Variants in COL13A1 observed in about 807,000 individuals in gnomAD.
COL13A1 encodes the protein collagen type XIII alpha 1 chain, also known as collagen alpha-1(XIII) chain.
In COL13A1, 89 loss-of-function variants were observed where a neutral mutation model predicts 130.9. The observed-to-expected ratio is 0.68, with a 90% confidence interval of 0.57 to 0.81. The LOEUF is 0.81. Among genes scored for constraint, COL13A1 ranks in the 30% least tolerant of loss-of-function variants. The pLI, the probability that COL13A1 is intolerant of heterozygous loss-of-function variation, is 0.00. For missense variants in COL13A1, 879 were observed against 934.6 expected (o/e 0.94, Z 0.78); for synonymous variants, 402 against 341.6 (o/e 1.18, Z -1.95).
rs78823037 is a variant in COL13A1, at chr10:69,880,170, G to A, written c.463-333G>A. On this transcript the variant is annotated intron_variant, in intron 6 of 40. Transcript: ENST00000645393. Reference sequence around the variant, plus strand: ...TGGATCCTGTTCTTCTCGCTTCCCCGGCCTGGGGTCCCACCACCCTGTCTC... The same window carrying A: ...TGGATCCTGTTCTTCTCGCTTCCCCAGCCTGGGGTCCCACCACCCTGTCTC... 1.6e-4 allele frequency among the ~76,000 whole-genome samples: 24 copies of A among 152,006 alleles called. No homozygotes were observed. In the East Asian group the frequency reaches 3.9e-3, roughly 25 times the overall value.
chr10:69,834,212 T>G (rs1046726249), intron 2 of COL13A1, among the ~76,000 whole-genome samples: 2 of 152,184 alleles, frequency 1.3e-5, no homozygotes, highest in Non-Finnish European at 2.9e-5. Flanking sequence ...ATGCGCAGTC[T>G]GCAATAGGGT....
chr10:69,906,170 G>A (rs2062734461), intron 17 of COL13A1, among the ~76,000 whole-genome samples: 1 of 152,234 alleles, frequency 6.6e-6, no homozygotes, highest in South Asian at 2.1e-4. Context: ...GAGGTGGAGA[G>A]ACAAATTTCA....
intron 25 of COL13A1, 114 bp from the exon 26 acceptor site, chr10:69,925,690 G>A (rs373260688): frequency 1.4e-6 from 1 of 734,132 alleles, no homozygotes; most frequent in East Asian, 2.7e-5. Flanking sequence ...GCTGTTCTGG[G>A]TCCACCCATG....
chr10:69,806,478 CG>C (rs1170854013), intron 1 of COL13A1, among the ~76,000 whole-genome samples: 1 of 152,180 alleles, frequency 6.6e-6, no homozygotes, highest in Non-Finnish European at 1.5e-5. Flanking sequence ...TGGAGGATGG[CG>C]GGAGCCAGCT....
intron 26 of COL13A1, 196 bp downstream of exon 26, chr10:69,926,068 T>C: frequency 3.6e-6 from 2 of 553,448 alleles, no homozygotes; most frequent in South Asian, 5.0e-5. Flanking sequence ...AATGGCCCCA[T>C]TACTGGCATC....
In COL13A1 at chr10:69,851,086, C is replaced by T. The variant is rs563273876; in HGVS notation, c.365-16712C>T. On this transcript the variant is annotated intron_variant, in intron 2 of 40. Transcript: ENST00000645393. ...GGTCCTGAGAGCAGGGCTCCATCTC[C>T]GCCTTCACTAAGGGGAACCATGCAC... is the stretch of plus-strand genomic sequence containing the variant. Among the ~76,000 whole-genome samples, 10 of 152,346 alleles carry T rather than the reference C, an allele frequency of 6.6e-5. 1 individual carries two copies. The East Asian group carries it at 1.7e-3, about 26-fold the overall frequency.
At chr10:69,907,887 T>A (rs894138836) in intron 17 of COL13A1, among the ~76,000 whole-genome samples, 5 of 152,380 alleles carry the variant, frequency 3.3e-5, no homozygotes, top group African/African-American at 1.2e-4. Context: ...AGAGCTATCA[T>A]AATCTAATCA....
intron 2 of COL13A1, among the ~76,000 whole-genome samples, chr10:69,823,158 C>T (rs748467030): frequency 1.3e-5 from 2 of 152,222 alleles, no homozygotes; most frequent in Non-Finnish European, 1.5e-5. Flanking sequence ...GTAACAGCTG[C>T]GTACTAAGGA....
chr10:69,904,381 C>T (rs139602574), intron 15 of COL13A1, among the ~76,000 whole-genome samples: 47 of 151,358 alleles, frequency 3.1e-4, no homozygotes, highest in African/African-American at 1.1e-3. Context: ...CGGCTTTCTC[C>T]AGCCCACGTT....
intron 4 of COL13A1, among the ~76,000 whole-genome samples, chr10:69,872,805 A>G (rs981457661): frequency 6.6e-6 from 1 of 152,222 alleles, no homozygotes; most frequent in African/African-American, 2.4e-5. Flanking sequence ...TGAAATGGGT[A>G]TGATTATAAA....
chr10:69,956,134 G>A (rs771427808), intron 39 of COL13A1: 2 of 152,304 alleles, frequency 1.3e-5, no homozygotes, highest in African/African-American at 2.4e-5. Flanking sequence ...GACTTGGGCT[G>A]AGAACCAGAC....
chr10:69,875,167 A>G lies in COL13A1; in HGVS notation c.435+4A>G. 1 of 1,613,834 alleles carries G rather than the reference A, an allele frequency of 6.2e-7. No individual in the cohort carries two copies. The highest frequency in any genetic ancestry group is 1.7e-5 in the Admixed American group (1 of 60,010). On this transcript the variant is annotated splice_donor_region_variant and intron_variant, in intron 5 of 40. Transcript: ENST00000645393. ...CATTGGGATGCCTGGACGTGTGGTG[A>G]GTTGGCCCGTTTGTACCTGCTCAGG...
chr10:69,806,542 C>G (rs993107640), intron 1 of COL13A1, among the ~76,000 whole-genome samples: 1 of 152,234 alleles, frequency 6.6e-6, no homozygotes, highest in Non-Finnish European at 1.5e-5. Context: ...GCTCTTCCCC[C>G]ATCAGCGCCT....
In COL13A1 at chr10:69,899,782, A is replaced by T. The variant is rs185250638; in HGVS notation, c.750+1020A>T. Among the ~76,000 whole-genome samples the T allele has an allele frequency of 7.9e-5, 12 of 152,112 alleles. No individual in the cohort carries two copies. The East Asian group carries it at 2.3e-3, about 29-fold the overall frequency. Reference sequence around the variant, plus strand: ...GCCCATGGCTGCCCCTGTGCTCCTCACCTTTCTCATGCTGCACCAGGTACC... The same window carrying T: ...GCCCATGGCTGCCCCTGTGCTCCTCTCCTTTCTCATGCTGCACCAGGTACC... On this transcript the variant is annotated intron_variant, in intron 14 of 40. Coordinates refer to ENST00000645393, the MANE Select transcript of COL13A1 (RefSeq NM_001368882.1).
At chr10:69,811,791 C>T (rs1303168068) in intron 1 of COL13A1, among the ~76,000 whole-genome samples, 1 of 152,118 alleles carries the variant, frequency 6.6e-6, no homozygotes, top group African/African-American at 2.4e-5. Context: ...ATCTCTACAC[C>T]CACCAACCCA....
intron 2 of COL13A1, among the ~76,000 whole-genome samples, chr10:69,851,920 G>T (rs531387509): frequency 6.6e-6 from 1 of 152,324 alleles, no homozygotes; most frequent in East Asian, 1.9e-4. Flanking sequence ...CTCCCAAAGT[G>T]CTGGGATTAC....
intron 35 of COL13A1, among the ~76,000 whole-genome samples, chr10:69,942,913 T>A (rs1478431637): frequency 6.6e-6 from 1 of 152,184 alleles, no homozygotes; most frequent in Non-Finnish European, 1.5e-5. Flanking sequence ...AGTGGCGCAA[T>A]CTTGGCTCAC....
chr10:69,875,236 T>C lies in COL13A1; in HGVS notation c.435+73T>C, dbSNP rs943667632. 10 of 1,581,402 alleles carry C rather than the reference T, an allele frequency of 6.3e-6. No individual in the cohort carries two copies. In the Admixed American group the frequency reaches 6.7e-5, roughly 11 times the overall value. On this transcript the variant is annotated intron_variant, in intron 5 of 40. Coordinates refer to ENST00000645393, the MANE Select transcript of COL13A1 (RefSeq NM_001368882.1). ...CCGTGCTGGCCTGTCCTCTAAACCA[T>C]GGCAATGTGCTGTCTATCCCAGGCC...
At chr10:69,829,135 G>C in intron 2 of COL13A1, 1 of 692,830 alleles carries the variant, frequency 1.4e-6, no homozygotes, top group Non-Finnish European at 1.8e-6. Flanking sequence ...TGGGCTTCAG[G>C]CTGAACACCA....
Sources: gnomAD v4.1 joint callset for allele counts (sites outside exome capture counted in the v4.1 genomes callset) on GRCh38, gnomAD v4.1.1 for gene constraint, MANE v1.5 for transcripts, NCBI Gene and HGNC (gene_info 2026-07-23, HGNC 2026-07-21) for gene names.